THEMIS: variants seen among roughly 807,000 people sequenced by gnomAD.
THEMIS encodes the protein protein THEMIS.
A neutral mutation model predicts 52.6 loss-of-function variants in THEMIS; 37 were observed. That is an observed-to-expected ratio of 0.70 (90% confidence interval 0.54 to 0.93). The LOEUF is 0.93. Ranked by LOEUF, THEMIS falls within the 40% of genes least tolerant of loss-of-function variation. The pLI is 0.00. For missense variants in THEMIS, 808 were observed against 763.1 expected, an observed-to-expected ratio of 1.06 and a Z score of -0.69; for synonymous variants, 292 against 272.7, an observed-to-expected ratio of 1.07 and a Z score of -0.70.
intron 1 of THEMIS, among the ~76,000 whole-genome samples, chr6:127,856,468 T>G (rs1474975027): frequency 6.6e-6 from 1 of 151,896 alleles, no homozygotes; most frequent in Non-Finnish European, 1.5e-5. Flanking sequence ...CTCTTCTCCA[T>G]AGGCATCCCA....
intron 2 of THEMIS, among the ~76,000 whole-genome samples, chr6:127,854,402 T>C (rs1018235291): frequency 9.2e-5 from 14 of 151,650 alleles, no homozygotes; most frequent in African/African-American, 3.1e-4. Context: ...GTGTAAAAAA[T>C]ATGGCAAATG....
chr6:127,838,512 A>AT (rs890396286), intron 2 of THEMIS, among the ~76,000 whole-genome samples: 1 of 151,856 alleles, frequency 6.6e-6, no homozygotes, highest in Non-Finnish European at 1.5e-5. Flanking sequence ...TTTCTTCCTC[A>AT]TTTTTTTACT....
chr6:127,731,958 G>A (rs534600730), intron 4 of THEMIS, among the ~76,000 whole-genome samples: 2 of 142,252 alleles, frequency 1.4e-5, no homozygotes, highest in South Asian at 2.3e-4. Flanking sequence ...CGCTCACCTC[G>A]GCCTCCCAAA....
rs568521541 is a variant in THEMIS at position 127,813,281 on chromosome 6, G to A, written c.1360C>T (p.Arg454Cys). ...YPISELCKQF[R>C]LPFNVKVSVR... ...GACACCTTCACATTGAAGGGCAAAC[G>A]GAACTGTTTACAGAGCTCAGAAATC... The change falls in exon 4 of 6, where the codon CGT becomes TGT. Residue 454 changes from arginine (R) to cysteine (C), a missense_variant. Physicochemically the swap from Arg to Cys is radical, Grantham distance 180. Coordinates refer to ENST00000368248, the MANE Select transcript of THEMIS (RefSeq NM_001010923.3). 126 of 1,614,082 alleles carry A rather than the reference G, an allele frequency of 7.8e-5. No homozygotes were observed. In the Admixed American group the frequency reaches 1.8e-3, roughly 23 times the overall value.
intron 5 of THEMIS, among the ~76,000 whole-genome samples, chr6:127,712,597 C>T (rs1461316246): frequency 6.6e-6 from 1 of 151,846 alleles, no homozygotes; most frequent in Non-Finnish European, 1.5e-5. Context: ...ATTCACTGAA[C>T]CAATTACTCA....
intron 4 of THEMIS, among the ~76,000 whole-genome samples, chr6:127,795,398 G>A (rs935433078): frequency 6.6e-6 from 1 of 152,124 alleles, no homozygotes; most frequent in African/African-American, 2.4e-5. Flanking sequence ...GCACGATCTC[G>A]GCTCACTGCA....
chr6:127,786,893 T>G (rs1198546698), intron 4 of THEMIS, among the ~76,000 whole-genome samples: 2 of 152,142 alleles, frequency 1.3e-5, no homozygotes, highest in Non-Finnish European at 2.9e-5. Flanking sequence ...CATGACAGAC[T>G]TGAAAACCAG....
At chr6:127,846,083 C>T (rs1428164431) in intron 2 of THEMIS, among the ~76,000 whole-genome samples, 1 of 151,926 alleles carries the variant, frequency 6.6e-6, no homozygotes, top group African/African-American at 2.4e-5. Flanking sequence ...AACATGGTTT[C>T]AACTGTGTAA....
rs771390824 is a variant in THEMIS at position 127,719,838 on chromosome 6, G to A, written c.1759-15C>T. The A allele has an allele frequency of 5.0e-6, 8 of 1,608,840 alleles. No individual in the cohort carries two copies. Among genetic ancestry groups the A allele is most frequent in the Admixed American group, 3.4e-5 (2 of 59,206 alleles). The stretch of plus-strand genomic sequence containing the variant: ...ACGTGATGACGCTGAAATGACACAG[G>A]TCACAAGTAAATTATCAGTCCAAAA... On this transcript the variant is annotated splice_polypyrimidine_tract_variant and intron_variant, in intron 4 of 5. Transcript: ENST00000368248.
intron 2 of THEMIS, among the ~76,000 whole-genome samples, chr6:127,848,731 A>G (rs1440802764): frequency 6.6e-6 from 1 of 152,086 alleles, no homozygotes; most frequent in Admixed American, 6.6e-5. Context: ...TTCTTTTGAG[A>G]AGTGTCTGTT....
intron 1 of THEMIS, among the ~76,000 whole-genome samples, chr6:127,869,319 C>T (rs1780084791): frequency 6.6e-6 from 1 of 152,130 alleles, no homozygotes; most frequent in Non-Finnish European, 1.5e-5. Flanking sequence ...ACGCGTAAAG[C>T]ACCCCACAGC....
chr6:127,699,797 A>G, the THEMIS span, among the ~76,000 whole-genome samples: 1 of 151,926 alleles, frequency 6.6e-6, no homozygotes, highest in Non-Finnish European at 1.5e-5. Flanking sequence ...ATGCCTCCTC[A>G]TACCATACAT....
chr6:127,818,261 G>A (rs1778204140), intron 3 of THEMIS, among the ~76,000 whole-genome samples: 1 of 152,098 alleles, frequency 6.6e-6, no homozygotes, highest in Non-Finnish European at 1.5e-5. Context: ...TAGAGACACA[G>A]GCTCACTAAT....
intron 1 of THEMIS, among the ~76,000 whole-genome samples, chr6:127,883,646 C>T (rs551672236): frequency 7.2e-5 from 11 of 151,972 alleles, no homozygotes; most frequent in Non-Finnish European, 1.6e-4. Context: ...AGAAACCATA[C>T]TTCAAGTACT....
chr6:127,839,617 C>T (rs1778979860), intron 2 of THEMIS, among the ~76,000 whole-genome samples: 1 of 152,086 alleles, frequency 6.6e-6, no homozygotes, highest in Non-Finnish European at 1.5e-5. Context: ...ATCCTCCCAC[C>T]TAAGCCTTTC....
At chr6:127,769,018 A>G (rs1258756445) in intron 4 of THEMIS, among the ~76,000 whole-genome samples, 5 of 152,168 alleles carry the variant, frequency 3.3e-5, no homozygotes, top group Admixed American at 6.5e-5. Context: ...ACCAAAAGAC[A>G]ATGTTCATTT....
chr6:127,829,105 T>C (rs1007963066), intron 3 of THEMIS, among the ~76,000 whole-genome samples: 5 of 152,312 alleles, frequency 3.3e-5, no homozygotes, highest in Non-Finnish European at 5.9e-5. Flanking sequence ...ACCTCTTTTG[T>C]TGACCACCTC....
intron 1 of THEMIS, among the ~76,000 whole-genome samples, chr6:127,876,287 T>C (rs1480944435): frequency 2.6e-5 from 4 of 152,080 alleles, no homozygotes; most frequent in Admixed American, 6.5e-5. Flanking sequence ...GAATTTCAAG[T>C]GAAAAAAATA....
intron 1 of THEMIS, among the ~76,000 whole-genome samples, chr6:127,872,300 G>T (rs1161278367): frequency 6.6e-6 from 1 of 152,088 alleles, no homozygotes; most frequent in Non-Finnish European, 1.5e-5. Context: ...CGCTGGGAGT[G>T]GTGGCTCACA....
Sources: gnomAD v4.1 joint callset for allele counts (sites outside exome capture counted in the v4.1 genomes callset) on GRCh38, gnomAD v4.1.1 for gene constraint, MANE v1.5 for transcripts, NCBI Gene and HGNC (gene_info 2026-07-23, HGNC 2026-07-21) for gene names.